UPP2: variants seen among roughly 807,000 people sequenced by gnomAD.
The protein encoded by UPP2 is UPase 2.
In UPP2, 23 loss-of-function variants were observed where a neutral mutation model predicts 26.7. That is an observed-to-expected ratio of 0.86 (90% CI 0.62 to 1.22). The LOEUF (loss-of-function observed/expected upper bound fraction) is 1.22, where lower values mean the gene tolerates loss of function less well. Ranked by LOEUF, UPP2 falls within the 50% of genes most tolerant of loss-of-function variation. The pLI is 0.00. For synonymous variants in UPP2, 127 were observed against 141.3 expected, an observed-to-expected ratio of 0.90 and a Z score of 0.72; for missense variants, 387 against 396.7, an observed-to-expected ratio of 0.98 and a Z score of 0.21.
At chr2:158,062,057 T>C (rs1682360577) in intron 3 of UPP2, among the ~76,000 whole-genome samples, 1 of 152,256 alleles carries the variant, frequency 6.6e-6, no homozygotes, top group African/African-American at 2.4e-5. Flanking sequence ...GCTTTTATGC[T>C]AAAGCAATAG....
intron 3 of UPP2, among the ~76,000 whole-genome samples, chr2:158,067,282 G>A (rs1304274177): frequency 1.3e-5 from 2 of 151,492 alleles, no homozygotes; most frequent in Non-Finnish European, 2.9e-5. Flanking sequence ...AGTTCTGTGG[G>A]AGAAATAATT....
At chr2:158,099,336 G>A (rs141666695), upstream of UPP2, among the ~76,000 whole-genome samples, 936 of 152,300 alleles carry the variant, frequency 6.1e-3, 5 homozygotes, top group Middle Eastern at 0.027. Flanking sequence ...TCAAGCCATT[G>A]CTGGTGCTAT....
At chr2:158,110,628 C>T (rs539577315) in intron 2 of UPP2, among the ~76,000 whole-genome samples, 33 of 152,284 alleles carry the variant, frequency 2.2e-4, no homozygotes, top group African/African-American at 7.9e-4. Flanking sequence ...TACAGTCCCA[C>T]CAACAGTGTA....
intron 3 of UPP2, among the ~76,000 whole-genome samples, chr2:158,029,999 A>G (rs1683900809): frequency 6.6e-6 from 1 of 152,204 alleles, no homozygotes; most frequent in African/African-American, 2.4e-5. Flanking sequence ...AACACAAAAT[A>G]GCAAAAAGGG....
chr2:158,130,462 C>CAA lies in UPP2; in HGVS notation c.812-4275_812-4274dup, dbSNP rs11461708. 6.3e-3 allele frequency among the ~76,000 whole-genome samples: 478 copies of CAA among 75,850 alleles called. 4 individuals carry two copies. Among genetic ancestry groups the CAA allele is most frequent in the African/African-American group, 0.019 (447 of 23,412 alleles). The allele number at this position is 75,850 out of a possible 152,430, so 49.8% of individuals were successfully genotyped here. On this transcript the variant is annotated intron_variant, in intron 6 of 6. Transcript: ENST00000005756. ...CAAGAATCCGTCTCAAAAAAAAAAACAAAAAAAAAAAACCACTGTGCATTA... is the reference window on the plus strand; with the variant it reads ...CAAGAATCCGTCTCAAAAAAAAAAACAAAAAAAAAAAAAACCACTGTGCATTA...
chr2:158,120,010 CAA>C (rs377179788), intron 4 of UPP2, among the ~76,000 whole-genome samples: 30 of 139,412 alleles, frequency 2.2e-4, no homozygotes, highest in African/African-American at 4.3e-4. Flanking sequence ...GACCTCATCT[CAA>C]AAAAAAAAAA....
At chr2:158,134,354 G>A (rs974548617) in intron 6 of UPP2, among the ~76,000 whole-genome samples, 3 of 152,236 alleles carry the variant, frequency 2.0e-5, no homozygotes, top group East Asian at 1.9e-4. Flanking sequence ...TGGGAATTAC[G>A]GCTAGTTCTC....
rs574142811 is a variant in UPP2 at position 158,087,547 on chromosome 2, C to G, written c.148-14493C>G. On this transcript the variant is annotated intron_variant, in intron 3 of 9. Coordinates refer to the UPP2 transcript ENST00000605860. ...ATCACGCTATTTGTTGCCTGAATAC[C>G]TTTTTTTGTTTGTTTTTCATTGTGC... 3.9e-5 allele frequency among the ~76,000 whole-genome samples: 6 copies of G among 151,930 alleles called. No individual in the cohort carries two copies. The East Asian group carries it at 1.2e-3, about 29-fold the overall frequency.
At chr2:158,051,403 T>C (rs1682155825) in intron 3 of UPP2, among the ~76,000 whole-genome samples, 1 of 152,146 alleles carries the variant, frequency 6.6e-6, no homozygotes, top group African/African-American at 2.4e-5. Flanking sequence ...TGAGGGTATA[T>C]TGAGGAATAT....
At chr2:158,093,660 G>A (rs1259180484) in intron 3 of UPP2, among the ~76,000 whole-genome samples, 1 of 152,078 alleles carries the variant, frequency 6.6e-6, no homozygotes, top group Non-Finnish European at 1.5e-5. Flanking sequence ...AAAGCAAAGA[G>A]ATACCATTTT....
chr2:158,135,047 T>C lies in UPP2; in HGVS notation c.*157T>C. On this transcript the variant is annotated 3_prime_UTR_variant, in exon 7 of 7. Coordinates refer to ENST00000005756, the MANE Select transcript of UPP2 (RefSeq NM_173355.4). ...CCTTCTCTCTTAAAAAGGAATTTAT[T>C]GTAAAAGAATACTCACACTAAATTA... is the stretch of plus-strand genomic sequence containing the variant. The C allele has an allele frequency of 1.2e-6, 1 of 845,822 alleles. No homozygotes were observed. The highest frequency in any genetic ancestry group is 3.2e-5 in the East Asian group (1 of 31,720). 52.4% of individuals were successfully genotyped at this position (845,822 alleles called of 1,614,324 possible).
intron 2 of UPP2, among the ~76,000 whole-genome samples, chr2:158,015,087 C>A (rs1683637764): frequency 6.6e-6 from 1 of 152,116 alleles, no homozygotes; most frequent in South Asian, 2.1e-4. Flanking sequence ...TATAATTAAA[C>A]AAAAACACAC....
chr2:158,052,465 T>C (rs1035545868), intron 3 of UPP2, among the ~76,000 whole-genome samples: 1 of 152,182 alleles, frequency 6.6e-6, no homozygotes, highest in African/African-American at 2.4e-5. Flanking sequence ...GAGTCAGTTA[T>C]TATTCCTTGG....
At chr2:158,012,021 A>G (rs986432589) in intron 2 of UPP2, among the ~76,000 whole-genome samples, 1 of 152,042 alleles carries the variant, frequency 6.6e-6, no homozygotes, top group African/African-American at 2.4e-5. Flanking sequence ...GTTTTCATCT[A>G]CTTGACTCAG....
At chr2:158,116,797 T>C (rs6437134) in intron 3 of UPP2, among the ~76,000 whole-genome samples, 88,694 of 152,068 alleles carry the variant, frequency 0.58, 26,631 homozygotes, top group African/African-American at 0.69. Flanking sequence ...TCCAAAGTCC[T>C]AAACTTGTTA....
chr2:158,077,542 A>C (rs1274734580), intron 3 of UPP2, among the ~76,000 whole-genome samples: 3 of 152,184 alleles, frequency 2.0e-5, no homozygotes, highest in Non-Finnish European at 4.4e-5. Context: ...TACATTGATG[A>C]CAAGACAGTC....
At chr2:158,106,076 C>A (rs1420157010) in intron 1 of UPP2, 23 bp from the exon 2 acceptor site, 2 of 1,524,478 alleles carry the variant, frequency 1.3e-6, no homozygotes, top group Non-Finnish European at 1.8e-6. Context: ...TTTATATCTT[C>A]TTTGTATAAT....
At chr2:158,052,357 G>A (rs1022432798) in intron 3 of UPP2, among the ~76,000 whole-genome samples, 3 of 152,320 alleles carry the variant, frequency 2.0e-5, no homozygotes, top group African/African-American at 7.2e-5. Context: ...AAGTATGATG[G>A]TGGCGATATC....
intron 2 of UPP2, among the ~76,000 whole-genome samples, chr2:158,011,129 G>T (rs990063673): frequency 3.3e-5 from 5 of 152,130 alleles, no homozygotes; most frequent in Admixed American, 6.5e-5. Flanking sequence ...GGCCAAGGAG[G>T]CTTACCAGAG....
Sources: allele counts gnomAD v4.1 joint callset (sites outside exome capture counted in the v4.1 genomes callset), GRCh38; gene constraint gnomAD v4.1.1; transcripts MANE v1.5; gene names NCBI Gene and HGNC (gene_info 2026-07-23, HGNC 2026-07-21).